SYN3: variants seen among roughly 807,000 people sequenced by gnomAD.
SYN3 encodes the protein synapsin III.
SYN3 carries 35 observed loss-of-function variants against 65.8 expected under a neutral mutation model. That is an observed-to-expected ratio of 0.53 (90% CI 0.41 to 0.70). SYN3 has a LOEUF of 0.70. Among genes scored for constraint, SYN3 ranks in the 30% least tolerant of loss-of-function variants. The probability of loss-of-function intolerance (pLI) is 0.00; values close to 1 mark genes in which losing one functional copy is unlikely to be tolerated. For missense variants in SYN3, 680 were observed against 749.0 expected, an observed-to-expected ratio of 0.91 and a Z score of 1.08; for synonymous variants, 270 against 292.9, an observed-to-expected ratio of 0.92 and a Z score of 0.80.
At chr22:32,936,970 T>C (rs903591314) in intron 3 of SYN3, among the ~76,000 whole-genome samples, 1 of 152,220 alleles carries the variant, frequency 6.6e-6, no homozygotes, top group African/African-American at 2.4e-5. Context: ...TCAAGTTTAT[T>C]ACAAGTAACT....
chr22:32,860,955 T>C (rs1349910575), intron 6 of SYN3: 1 of 150,782 alleles, frequency 6.6e-6, no homozygotes, highest in Non-Finnish European at 1.5e-5. Context: ...ATATAAATTC[T>C]CCTATTAAAT....
At chr22:32,537,657 T>G (rs1478718055) in intron 9 of SYN3, among the ~76,000 whole-genome samples, 1 of 152,178 alleles carries the variant, frequency 6.6e-6, no homozygotes, top group Non-Finnish European at 1.5e-5. Context: ...TCCTTGCAGC[T>G]GTCAGAGCAC....
intron 2 of SYN3, among the ~76,000 whole-genome samples, chr22:33,000,290 A>C (rs1420501556): frequency 6.6e-6 from 1 of 152,140 alleles, no homozygotes; most frequent in Non-Finnish European, 1.5e-5. Flanking sequence ...CAGGCCTTAC[A>C]TCCTTGCCTA....
intron 6 of SYN3, among the ~76,000 whole-genome samples, chr22:32,718,023 A>G (rs2061062505): frequency 6.6e-6 from 1 of 152,218 alleles, no homozygotes; most frequent in Admixed American, 6.5e-5. Context: ...ATTTAAGGCG[A>G]CTAGCTTGTG....
At chr22:33,000,654 C>T (rs566616549) in intron 2 of SYN3, among the ~76,000 whole-genome samples, 6 of 152,334 alleles carry the variant, frequency 3.9e-5, no homozygotes, top group South Asian at 2.1e-4. Context: ...TCATCGTCCC[C>T]GTTGGGGTTG....
intron 6 of SYN3, among the ~76,000 whole-genome samples, chr22:32,839,230 C>G (rs1485272330): frequency 3.3e-5 from 5 of 152,134 alleles, no homozygotes; most frequent in African/African-American, 1.2e-4. Context: ...GCAGAATAAT[C>G]CTGTAGATAC....
intron 6 of SYN3, among the ~76,000 whole-genome samples, chr22:32,694,780 AG>A (rs1169116993): frequency 1.3e-5 from 2 of 152,218 alleles, no homozygotes; most frequent in African/African-American, 4.8e-5. Flanking sequence ...TGGGGGGACT[AG>A]ATTTCATTAT....
intron 1 of SYN3, among the ~76,000 whole-genome samples, chr22:33,035,378 A>C (rs954585088): frequency 8.0e-6 from 1 of 125,542 alleles, no homozygotes; most frequent in Non-Finnish European, 1.6e-5. Flanking sequence ...GGGACAGTTA[A>C]GCCCAGAAGC....
chr22:32,727,717 C>T (rs1451521174), intron 6 of SYN3, among the ~76,000 whole-genome samples: 1 of 152,184 alleles, frequency 6.6e-6, no homozygotes, highest in East Asian at 1.9e-4. Context: ...TTTGGATTTG[C>T]ATTTCTCTAA....
At chr22:32,554,434 A>G (rs1425148789) in intron 7 of SYN3, among the ~76,000 whole-genome samples, 1 of 152,154 alleles carries the variant, frequency 6.6e-6, no homozygotes, top group East Asian at 1.9e-4. Flanking sequence ...TAATATATTT[A>G]CTGCCTTTCT....
At chr22:32,668,418 G>T (rs2147050765) in intron 6 of SYN3, among the ~76,000 whole-genome samples, 1 of 134,828 alleles carries the variant, frequency 7.4e-6, no homozygotes, top group East Asian at 2.2e-4. Flanking sequence ...ATGAGAAATT[G>T]TTACATTGTT....
intron 6 of SYN3, among the ~76,000 whole-genome samples, chr22:32,775,930 G>A (rs376135641): frequency 6.6e-6 from 1 of 152,164 alleles, no homozygotes; most frequent in South Asian, 2.1e-4. Flanking sequence ...GGGGCTGTAG[G>A]GGGTAGAGGT....
intron 6 of SYN3, among the ~76,000 whole-genome samples, chr22:32,809,981 T>C (rs1354104129): frequency 6.6e-6 from 1 of 152,212 alleles, no homozygotes; most frequent in East Asian, 1.9e-4. Context: ...ATGCCTGGGA[T>C]AGACAGCAGG....
At chr22:32,988,684 G>T (rs1163673347) in intron 2 of SYN3, among the ~76,000 whole-genome samples, 1 of 152,000 alleles carries the variant, frequency 6.6e-6, no homozygotes, top group Non-Finnish European at 1.5e-5. Flanking sequence ...GAAGGTCAGG[G>T]GTCACCTTCC....
chr22:32,914,743 A>G (rs1025251007), intron 4 of SYN3, among the ~76,000 whole-genome samples: 10 of 152,104 alleles, frequency 6.6e-5, no homozygotes, highest in Admixed American at 5.9e-4. Flanking sequence ...TGCCTGGCCC[A>G]TGTGGAGTTG....
chr22:32,689,411 G>A (rs1289030650), intron 6 of SYN3, among the ~76,000 whole-genome samples: 1 of 152,186 alleles, frequency 6.6e-6, no homozygotes, highest in African/African-American at 2.4e-5. Flanking sequence ...GTGTCACGGG[G>A]TACCATGAGA....
intron 4 of SYN3, among the ~76,000 whole-genome samples, chr22:32,917,872 C>T (rs968132997): frequency 7.9e-5 from 12 of 152,352 alleles, no homozygotes; most frequent in African/African-American, 2.6e-4. Context: ...CCCGTTCCCA[C>T]GCCCCACCTC....
intron 4 of SYN3, among the ~76,000 whole-genome samples, chr22:32,928,874 C>G (rs1002520497): frequency 1.3e-5 from 2 of 152,174 alleles, no homozygotes; most frequent in African/African-American, 4.8e-5. Context: ...AGGATAATCT[C>G]TTCAGCTGTA....
chr22:32,671,685 A>G (rs1273728775), intron 6 of SYN3, among the ~76,000 whole-genome samples: 2 of 149,008 alleles, frequency 1.3e-5, no homozygotes, highest in Non-Finnish European at 3.0e-5. Flanking sequence ...TCACACAGGT[A>G]CACACACGCT....
Sources: gnomAD v4.1 joint callset for allele counts (sites outside exome capture counted in the v4.1 genomes callset) on GRCh38, gnomAD v4.1.1 for gene constraint, MANE v1.5 for transcripts, NCBI Gene and HGNC (gene_info 2026-07-23, HGNC 2026-07-21) for gene names.